Variants in PTK2B observed in about 807,000 individuals in gnomAD.
PTK2B encodes protein tyrosine kinase 2 beta.
In PTK2B, 71 loss-of-function variants were observed where a neutral mutation model predicts 142.9. That is an observed-to-expected ratio of 0.50 (90% CI 0.41 to 0.61). PTK2B has a LOEUF of 0.61. Ranked by LOEUF, PTK2B falls within the 20% of genes least tolerant of loss-of-function variation. The pLI is 0.00. For missense variants in PTK2B, 1,105 were observed against 1,320.4 expected (o/e 0.84, Z 2.53); for synonymous variants, 519 against 503.4 (o/e 1.03, Z -0.42).
rs993440780 is a variant in PTK2B, at chr8:27,437,996, A to G, written c.1643+116A>G. On this transcript the variant is annotated intron_variant, in intron 18 of 30. Transcript: ENST00000346049. Reference sequence around the variant, plus strand: ...ACAGAGCAGTGTTGGAATCCCAGCAATTGGCCCAGCAGCTTTGAGCACTTG... The same window carrying G: ...ACAGAGCAGTGTTGGAATCCCAGCAGTTGGCCCAGCAGCTTTGAGCACTTG... 1.8e-5 allele frequency: 16 copies of G among 906,328 alleles called. No homozygotes were observed. The African/African-American group carries it at 2.2e-4, about 12-fold the overall frequency. 56.1% of individuals were successfully genotyped at this position (906,328 alleles called of 1,614,324 possible). A position where few individuals can be genotyped will look rare whatever the true frequency, so the allele number is the denominator to read the frequency against.
intron 1 of PTK2B, among the ~76,000 whole-genome samples, chr8:27,394,716 G>GA (rs1807936407): frequency 1.3e-5 from 2 of 152,272 alleles, no homozygotes; most frequent in Admixed American, 1.3e-4. Context: ...AAAGCTTGTT[G>GA]ATGCTTTTGT....
chr8:27,377,366 T>C (rs1396208266), intron 1 of PTK2B, among the ~76,000 whole-genome samples: 1 of 152,226 alleles, frequency 6.6e-6, no homozygotes, highest in Non-Finnish European at 1.5e-5. Flanking sequence ...CTGGGAAAGA[T>C]AGTGCTAACA....
chr8:27,447,668 G>A (rs1050409144), intron 24 of PTK2B, among the ~76,000 whole-genome samples: 1 of 152,200 alleles, frequency 6.6e-6, no homozygotes, highest in Non-Finnish European at 1.5e-5. Flanking sequence ...AGACCAGCCT[G>A]GCCATCATGG....
intron 3 of PTK2B, among the ~76,000 whole-genome samples, chr8:27,314,439 G>A (rs920527283): frequency 3.9e-5 from 6 of 152,318 alleles, no homozygotes; most frequent in East Asian, 3.9e-4. Context: ...CAACGGGCGC[G>A]TGTGGTGGTG....
At chr8:27,434,883 C>G (rs993145850) in intron 13 of PTK2B, among the ~76,000 whole-genome samples, 14 of 152,014 alleles carry the variant, frequency 9.2e-5, no homozygotes, top group Non-Finnish European at 2.1e-4. Flanking sequence ...GCCTGTAGTC[C>G]CAGCTACTTG....
At chr8:27,408,349 G>GA (rs1254693134) in intron 2 of PTK2B, among the ~76,000 whole-genome samples, 1 of 152,234 alleles carries the variant, frequency 6.6e-6, no homozygotes, top group Non-Finnish European at 1.5e-5. Context: ...CAGCAGGAAG[G>GA]AACACTGCTC....
chr8:27,345,826 C>T (rs1804679269), intron 1 of PTK2B, among the ~76,000 whole-genome samples: 2 of 152,130 alleles, frequency 1.3e-5, no homozygotes, highest in Admixed American at 1.3e-4. Context: ...GCCCCAGATC[C>T]AGTAGCTGCC....
intron 26 of PTK2B, 24 bp from the exon 27 acceptor site, chr8:27,451,461 T>C (rs1479816581): frequency 4.3e-6 from 7 of 1,613,724 alleles, no homozygotes; most frequent in Non-Finnish European, 5.9e-6. Flanking sequence ...GTGACGTTCC[T>C]GTTCTCTTTC....
chr8:27,418,888 C>T (rs1305864664), intron 2 of PTK2B, among the ~76,000 whole-genome samples: 2 of 152,120 alleles, frequency 1.3e-5, no homozygotes, highest in Non-Finnish European at 2.9e-5. Flanking sequence ...ATTATCCAGG[C>T]GTGGTGGTGC....
intron 2 of PTK2B, among the ~76,000 whole-genome samples, chr8:27,414,088 T>C (rs900356894): frequency 2.6e-5 from 4 of 152,214 alleles, no homozygotes; most frequent in African/African-American, 9.7e-5. Context: ...ACTTTGTTTT[T>C]ATATGGCACA....
At chr8:27,433,724 G>A (rs375280673) in intron 11 of PTK2B, among the ~76,000 whole-genome samples, 172 bp downstream of exon 11, 4 of 152,228 alleles carry the variant, frequency 2.6e-5, no homozygotes, top group African/African-American at 7.2e-5. Flanking sequence ...AGCCCTGGCC[G>A]GTCCACCTAC....
At chr8:27,344,497 C>T (rs921036817) in intron 1 of PTK2B, among the ~76,000 whole-genome samples, 4 of 152,306 alleles carry the variant, frequency 2.6e-5, no homozygotes, top group East Asian at 1.9e-4. Context: ...CATACACATA[C>T]GTATATAAAG....
chr8:27,440,121 G>A (rs1174499032), intron 20 of PTK2B, 116 bp from the exon 21 acceptor site: 3 of 1,041,056 alleles, frequency 2.9e-6, no homozygotes, highest in Non-Finnish European at 2.9e-6. Context: ...GCTGGAGGAG[G>A]AGGAGGGACC....
chr8:27,405,067 T>A (rs1808630595), intron 2 of PTK2B, among the ~76,000 whole-genome samples: 1 of 141,024 alleles, frequency 7.1e-6, no homozygotes, highest in East Asian at 2.0e-4. Context: ...TCTCTCTCTC[T>A]CTTAGCCATG....
intron 1 of PTK2B, among the ~76,000 whole-genome samples, chr8:27,389,603 G>A (rs1291292583): frequency 7.2e-5 from 11 of 152,238 alleles, no homozygotes; most frequent in African/African-American, 2.7e-4. Context: ...GCAACAGGGG[G>A]ACTCCCAGTG....
At chr8:27,349,114 T>G (rs1018697255) in intron 1 of PTK2B, among the ~76,000 whole-genome samples, 1 of 152,212 alleles carries the variant, frequency 6.6e-6, no homozygotes, top group Non-Finnish European at 1.5e-5. Flanking sequence ...TCTTCTGGTG[T>G]CCTTATTAGA....
chr8:27,310,730 G>A, upstream of PTK2B: 1 of 1,478,056 alleles, frequency 6.8e-7, no homozygotes, highest in Non-Finnish European at 9.1e-7. Flanking sequence ...AGGAGGGGCG[G>A]GAGCCGCAGA....
At chr8:27,422,223 GC>G in intron 4 of PTK2B, 80 bp from the exon 5 acceptor site, 2 of 1,348,100 alleles carry the variant, frequency 1.5e-6, no homozygotes, top group Middle Eastern at 1.9e-4. Context: ...GCAGAATGAG[GC>G]CCTTAATCTT....
In PTK2B at chr8:27,354,189, A is replaced by T. The variant is rs569718695; in HGVS notation, c.-38+28508A>T. ...TCCCAGCCATAGCCCTATCACCCAGAGAAAAGCCCTTTTCCCCAAGCTAAA... is the reference window on the plus strand; with the variant it reads ...TCCCAGCCATAGCCCTATCACCCAGTGAAAAGCCCTTTTCCCCAAGCTAAA... On this transcript the variant is annotated intron_variant, in intron 1 of 30. Transcript: ENST00000346049. Among the ~76,000 whole-genome samples the T allele has an allele frequency of 3.3e-5, 5 of 152,334 alleles. No individual in the cohort carries two copies. The South Asian group carries it at 1.0e-3, about 32-fold the overall frequency.
Sources: gnomAD v4.1 joint callset for allele counts (sites outside exome capture counted in the v4.1 genomes callset) on GRCh38, gnomAD v4.1.1 for gene constraint, MANE v1.5 for transcripts, NCBI Gene and HGNC (gene_info 2026-07-23, HGNC 2026-07-21) for gene names.